RALYL: variants seen among roughly 807,000 people sequenced by gnomAD.
RALYL encodes RALY RNA binding protein like, also known as RNA-binding Raly-like protein.
Under a neutral mutation model 35.1 loss-of-function variants are expected in RALYL, and 29 were observed. The ratio of observed to expected loss-of-function variants is 0.83; its 90% CI spans 0.61 to 1.13. The LOEUF (loss-of-function observed/expected upper bound fraction) is 1.13. Among genes scored for constraint, RALYL ranks in the 50% most tolerant of loss-of-function variants. The pLI is 0.00. For missense variants in RALYL, 359 were observed against 360.4 expected (o/e 1.00, Z 0.03); for synonymous variants, 120 against 127.6 (o/e 0.94, Z 0.40).
At chr8:84,279,144 A>G (rs890794035) in intron 1 of RALYL, among the ~76,000 whole-genome samples, 5 of 152,158 alleles carry the variant, frequency 3.3e-5, no homozygotes, top group Non-Finnish European at 5.9e-5. Flanking sequence ...TGTGCAGGGG[A>G]ACTCCATTTA....
chr8:84,597,692 C>A (rs1814905687), intron 2 of RALYL, among the ~76,000 whole-genome samples: 1 of 151,982 alleles, frequency 6.6e-6, no homozygotes, highest in African/African-American at 2.4e-5. Flanking sequence ...TTTCAAAAAT[C>A]AAAGAGGAAT....
At chr8:84,441,635 C>T (rs374639576) in intron 1 of RALYL, among the ~76,000 whole-genome samples, 9 of 152,016 alleles carry the variant, frequency 5.9e-5, no homozygotes, top group Non-Finnish European at 4.4e-5. Flanking sequence ...AGTGAACTGT[C>T]GGAGCTAGAA....
chr8:84,732,888 G>T (rs533057908), intron 2 of RALYL, among the ~76,000 whole-genome samples: 4 of 151,492 alleles, frequency 2.6e-5, no homozygotes, highest in Admixed American at 1.3e-4. Context: ...GTAGAGATGG[G>T]GTTTCACCAT....
At chr8:84,453,029 G>T (rs1383040420) in intron 1 of RALYL, among the ~76,000 whole-genome samples, 3 of 151,980 alleles carry the variant, frequency 2.0e-5, no homozygotes, top group East Asian at 2.0e-4. Context: ...AGCTTTTAAA[G>T]AATTAATTAG....
At chr8:84,476,107 GA>G (rs2053381586) in intron 1 of RALYL, among the ~76,000 whole-genome samples, 1 of 152,154 alleles carries the variant, frequency 6.6e-6, no homozygotes, top group African/African-American at 2.4e-5. Flanking sequence ...ATGTGGTACA[GA>G]GGGGAACATT....
intron 2 of RALYL, among the ~76,000 whole-genome samples, chr8:84,737,649 T>TA (rs1383138160): frequency 6.6e-6 from 1 of 152,030 alleles, no homozygotes; most frequent in Non-Finnish European, 1.5e-5. Flanking sequence ...AGACTAAATG[T>TA]TTGTGTCCCC....
At chr8:84,245,074 C>T (rs1828791635) in intron 1 of RALYL, among the ~76,000 whole-genome samples, 1 of 152,090 alleles carries the variant, frequency 6.6e-6, no homozygotes, top group Admixed American at 6.6e-5. Context: ...AGATGAGCAA[C>T]CTTGAGCTTG....
chr8:84,665,717 A>G (rs1831875705), intron 2 of RALYL: 2 of 151,848 alleles, frequency 1.3e-5, no homozygotes, highest in African/African-American at 2.4e-5. Context: ...TTAGCTAGCT[A>G]GAAGTCTATT....
intron 7 of RALYL, among the ~76,000 whole-genome samples, chr8:84,881,906 A>C (rs1220194020): frequency 6.6e-6 from 1 of 151,974 alleles, no homozygotes; most frequent in Admixed American, 6.6e-5. Context: ...AAAACAGCCA[A>C]GGTTATAAGA....
At chr8:84,682,448 C>A (rs950490083) in intron 2 of RALYL, among the ~76,000 whole-genome samples, 1 of 152,092 alleles carries the variant, frequency 6.6e-6, no homozygotes, top group Non-Finnish European at 1.5e-5. Context: ...TGGTAGAATT[C>A]GGCTGCGAAT....
chr8:84,707,631 A>C (rs1841447986), intron 2 of RALYL, among the ~76,000 whole-genome samples: 1 of 152,160 alleles, frequency 6.6e-6, no homozygotes, highest in East Asian at 1.9e-4. Flanking sequence ...GGAATGGTTC[A>C]GTTAAAAAAA....
At chr8:84,771,605 A>C (rs1365690501) in intron 2 of RALYL, among the ~76,000 whole-genome samples, 2 of 152,028 alleles carry the variant, frequency 1.3e-5, no homozygotes, top group East Asian at 1.9e-4. Context: ...TTTGTATCTC[A>C]TGATGTTTTA....
chr8:84,654,979 G>T (rs1829671191), intron 2 of RALYL, among the ~76,000 whole-genome samples: 1 of 151,982 alleles, frequency 6.6e-6, no homozygotes, highest in Non-Finnish European at 1.5e-5. Flanking sequence ...CATATGGTGG[G>T]GGTGGGTCTA....
chr8:84,456,814 C>T (rs138559478), intron 1 of RALYL, among the ~76,000 whole-genome samples: 13 of 152,016 alleles, frequency 8.6e-5, no homozygotes, highest in Non-Finnish European at 1.5e-4. Context: ...TTACATCAGC[C>T]AGAAAATTTT....
chr8:84,753,873 AT>A (rs2133253176), intron 2 of RALYL, among the ~76,000 whole-genome samples: 1 of 152,208 alleles, frequency 6.6e-6, no homozygotes, highest in South Asian at 2.1e-4. Context: ...TTTGATTTGC[AT>A]TTCTCTGATG....
At chr8:84,542,908 C>T (rs116129273) in intron 2 of RALYL, among the ~76,000 whole-genome samples, 13 of 152,250 alleles carry the variant, frequency 8.5e-5, no homozygotes, top group African/African-American at 2.9e-4. Context: ...TTCATTGACA[C>T]GTCCCTTAAG....
At chr8:84,470,034 C>T (rs2133665366) in intron 1 of RALYL, among the ~76,000 whole-genome samples, 1 of 152,316 alleles carries the variant, frequency 6.6e-6, no homozygotes, top group African/African-American at 2.4e-5. Context: ...CCTGCGCCCA[C>T]TGTCTGGCAC....
At chr8:84,582,932 G>A (rs1811165310) in intron 2 of RALYL, among the ~76,000 whole-genome samples, 1 of 151,792 alleles carries the variant, frequency 6.6e-6, no homozygotes, top group Admixed American at 6.6e-5. Flanking sequence ...GATATAGTTT[G>A]GGATGCTGTG....
At chr8:84,225,536 C>T (rs1019836968) in intron 1 of RALYL, among the ~76,000 whole-genome samples, 6 of 152,142 alleles carry the variant, frequency 3.9e-5, no homozygotes, top group South Asian at 2.1e-4. Context: ...CAGTCTTTCT[C>T]GGTTTTCAAA....
Sources: gnomAD v4.1 joint callset for allele counts (sites outside exome capture counted in the v4.1 genomes callset) on GRCh38, gnomAD v4.1.1 for gene constraint, MANE v1.5 for transcripts, NCBI Gene and HGNC (gene_info 2026-07-23, HGNC 2026-07-21) for gene names.